The following TRAF2 variants were observed in gnomAD, a reference collection of about 807,000 sequenced individuals.
TRAF2 encodes the protein TNF receptor-associated factor 2.
A neutral mutation model predicts 55.6 loss-of-function variants in TRAF2; 6 were observed. The ratio of observed to expected loss-of-function variants is 0.11; its 90% CI spans 0.06 to 0.21. The LOEUF is 0.21. TRAF2 is among the 10% of genes least tolerant of loss of function. The pLI is 1.00. For missense variants in TRAF2, 561 were observed against 684.5 expected, an observed-to-expected ratio of 0.82 and a Z score of 2.01; for synonymous variants, 329 against 276.3, an observed-to-expected ratio of 1.19 and a Z score of -1.89.
At chr9:136,893,586 A>G (rs915437324) in intron 1 of TRAF2, among the ~76,000 whole-genome samples, 2 of 152,194 alleles carry the variant, frequency 1.3e-5, no homozygotes, top group African/African-American at 4.8e-5. Flanking sequence ...GGGTTGGCGC[A>G]CCGTCTGGGG....
At chr9:136,914,416 A>G (rs949206244) in intron 6 of TRAF2, among the ~76,000 whole-genome samples, 1 of 152,212 alleles carries the variant, frequency 6.6e-6, no homozygotes, top group Non-Finnish European at 1.5e-5. Context: ...GAGAGAGAGC[A>G]CATTAGAACT....
intron 5 of TRAF2, among the ~76,000 whole-genome samples, chr9:136,909,292 C>G (rs1440494682): frequency 7.2e-6 from 1 of 139,420 alleles, no homozygotes; most frequent in East Asian, 2.1e-4. Context: ...CCTGTGTCTG[C>G]GTCCCTGTTG....
chr9:136,908,239 G>A lies in TRAF2; in HGVS notation c.528+8G>A. On this transcript the variant is annotated splice_region_variant and intron_variant, in intron 5 of 10. Coordinates refer to ENST00000247668, the MANE Select transcript of TRAF2 (RefSeq NM_021138.4). ...TGCGGAGCAGACGTGAAGGTGCGTG[G>A]GGTGGAGCAGCAGCCTGTGTGGCTG... 6.4e-7 allele frequency: 1 copy of A among 1,564,248 alleles called. No homozygotes were observed. Among genetic ancestry groups the A allele is most frequent in the South Asian group, 1.1e-5 (1 of 87,698 alleles).
intron 1 of TRAF2, among the ~76,000 whole-genome samples, chr9:136,887,603 G>A (rs549966875): frequency 2.0e-4 from 30 of 152,278 alleles, no homozygotes; most frequent in African/African-American, 7.0e-4. Flanking sequence ...ACTGAGAACG[G>A]ACCCTGCTCT....
intron 2 of TRAF2, 97 bp from the exon 3 acceptor site, chr9:136,899,497 T>C: frequency 1.8e-6 from 2 of 1,084,652 alleles, no homozygotes; most frequent in South Asian, 1.4e-5. Context: ...AAGTTTAAAC[T>C]GTGGTGTGGA....
In TRAF2 at chr9:136,920,521, T is replaced by G. The variant is rs373063556; in HGVS notation, c.960+6T>G. Reference sequence around the variant, plus strand: ...TTGAAGCCCTGAGTAGCAAGGTTTGTGCCTGCCGGGTGGCCAGCCATGAGG... The same window carrying G: ...TTGAAGCCCTGAGTAGCAAGGTTTGGGCCTGCCGGGTGGCCAGCCATGAGG... On this transcript the variant is annotated splice_donor_region_variant and intron_variant, in intron 8 of 10. Transcript: ENST00000247668. The G allele has an allele frequency of 1.2e-6, 2 of 1,603,528 alleles. No individual in the cohort carries two copies. Among genetic ancestry groups the G allele is most frequent in the Non-Finnish European group, 1.7e-6 (2 of 1,173,644 alleles).
chr9:136,887,225 G>A (rs1195809267), intron 1 of TRAF2, among the ~76,000 whole-genome samples: 1 of 152,252 alleles, frequency 6.6e-6, no homozygotes, highest in African/African-American at 2.4e-5. Flanking sequence ...CCGGGGCCTG[G>A]TCCTGGCAGT....
chr9:136,913,420 C>A (rs925124751), intron 6 of TRAF2, among the ~76,000 whole-genome samples: 4 of 149,060 alleles, frequency 2.7e-5, no homozygotes, highest in Admixed American at 2.0e-4. Context: ...GCCTCAGCGT[C>A]CCTAGTAGCT....
At position 136,908,370 on chromosome 9, in the gene TRAF2, G is replaced by A. The variant is rs1850010174; in HGVS notation, c.528+139G>A. 3.0e-6 allele frequency: 3 copies of A among 993,444 alleles called. No homozygotes were observed. The South Asian group carries it at 5.3e-5, about 17-fold the overall frequency. 61.5% of individuals were successfully genotyped at this position (993,444 alleles called of 1,614,324 possible). On this transcript the variant is annotated intron_variant, in intron 5 of 10. Coordinates refer to ENST00000247668, the MANE Select transcript of TRAF2 (RefSeq NM_021138.4). ...CGGCCCTTTCCCTGGAGACACGCGG[G>A]CGGATGTTTCTTGGCAGAACTGGGA...
intron 4 of TRAF2, among the ~76,000 whole-genome samples, chr9:136,903,007 T>G (rs1849857454): frequency 6.6e-6 from 1 of 152,146 alleles, no homozygotes. Flanking sequence ...TGCTCTGTTG[T>G]CCAGGCTAGA....
At chr9:136,918,242 TATATATATATATATATTTATTTAA>T (rs1214431542) in intron 7 of TRAF2, among the ~76,000 whole-genome samples, 9 of 45,310 alleles carry the variant, frequency 2.0e-4, no homozygotes, top group Non-Finnish European at 7.8e-5. Context: ...TATATATATA[TATATATATATATATATTTATTTAA>T]TTAATTAATT....
chr9:136,891,433 A>G (rs1436253471), intron 1 of TRAF2, among the ~76,000 whole-genome samples: 2 of 151,844 alleles, frequency 1.3e-5, no homozygotes, highest in Non-Finnish European at 2.9e-5. Context: ...TGGTAGAGAC[A>G]GGGTTTCATC....
chr9:136,894,929 A>G (rs1370562005), intron 1 of TRAF2, among the ~76,000 whole-genome samples: 1 of 152,178 alleles, frequency 6.6e-6, no homozygotes, highest in African/African-American at 2.4e-5. Flanking sequence ...AGTGTGCATG[A>G]TCACACTTGT....
chr9:136,911,178 G>A (rs1478628543), intron 6 of TRAF2, among the ~76,000 whole-genome samples: 5 of 152,276 alleles, frequency 3.3e-5, no homozygotes, highest in Non-Finnish European at 5.9e-5. Flanking sequence ...CCCACGCAGC[G>A]CGGTGGTGTC....
At position 136,920,234 on chromosome 9, in the gene TRAF2, G is replaced by C. The variant is rs766616932; in HGVS notation, c.679G>C (p.Val227Leu). ...CAGCCTCCCTGCCCTGTGTCCGCAG[G>C]TAGAGGGTGAGAAACAGCAGGAGCA... is the stretch of plus-strand genomic sequence containing the variant. ...RFHAIGCLET[V>L]EGEKQQEHEV... The change falls in exon 8 of 11, where the codon GTA becomes CTA. Residue 227 changes from valine to leucine, a missense_variant and splice_region_variant. Val to Leu is a conservative substitution (Grantham distance 32). This residue lies in a region of TRAF2 where 426 missense variants were observed against 476.8 expected (regional missense o/e 0.89). Coordinates refer to ENST00000247668, the MANE Select transcript of TRAF2 (RefSeq NM_021138.4). The C allele has an allele frequency of 1.2e-6, 2 of 1,607,024 alleles. No homozygotes were observed. The highest frequency in any genetic ancestry group is 1.7e-6 in the Non-Finnish European group (2 of 1,176,722).
chr9:136,882,742 G>C (rs528583949), upstream of TRAF2: 1 of 985,602 alleles, frequency 1.0e-6, no homozygotes, highest in East Asian at 1.1e-4. Context: ...AGCAAACAAG[G>C]CGAGTCCCCA....
intron 1 of TRAF2, among the ~76,000 whole-genome samples, chr9:136,893,488 G>A (rs1588419696): frequency 6.6e-6 from 1 of 152,316 alleles, no homozygotes; most frequent in South Asian, 2.1e-4. Flanking sequence ...TGCACTCTGC[G>A]TTCCCCAGTC....
intron 3 of TRAF2, 21 bp from the exon 4 acceptor site, chr9:136,900,401 G>C: frequency 1.3e-6 from 2 of 1,554,616 alleles, no homozygotes; most frequent in Non-Finnish European, 8.7e-7. Context: ...GGTTTAACCC[G>C]AGGGATATTC....
At chr9:136,884,524 C>T (rs1010617965), upstream of TRAF2, among the ~76,000 whole-genome samples, 18 of 151,986 alleles carry the variant, frequency 1.2e-4, no homozygotes, top group African/African-American at 4.3e-4. Flanking sequence ...CGCACCACTG[C>T]ACTCCAGCCT....
Sources: allele counts gnomAD v4.1 joint callset (sites outside exome capture counted in the v4.1 genomes callset), GRCh38; gene constraint gnomAD v4.1.1; regional missense constraint gnomAD v4.1.1; transcripts MANE v1.5; gene names NCBI Gene and HGNC (gene_info 2026-07-23, HGNC 2026-07-21).